The following ERG variants were observed in gnomAD, a reference collection of about 807,000 sequenced individuals.
The protein encoded by ERG is ETS transcription factor ERG, also known as transcriptional regulator ERG.
A neutral mutation model predicts 55.3 loss-of-function variants in ERG; 9 were observed. The ratio of observed to expected loss-of-function variants is 0.16; its 90% CI spans 0.10 to 0.28. The LOEUF is 0.28. Ranked by LOEUF, ERG falls within the 10% of genes least tolerant of loss-of-function variation. The pLI is 1.00. For missense variants in ERG, 434 were observed against 631.6 expected, an observed-to-expected ratio of 0.69 and a Z score of 3.35; for synonymous variants, 223 against 237.3, an observed-to-expected ratio of 0.94 and a Z score of 0.55.
intron 1 of ERG, among the ~76,000 whole-genome samples, chr21:38,591,509 T>G (rs1454338619): frequency 6.6e-6 from 1 of 152,114 alleles, no homozygotes; most frequent in Non-Finnish European, 1.5e-5. Context: ...CTGGCCAACA[T>G]GGTGAAACCT....
intron 2 of ERG, among the ~76,000 whole-genome samples, chr21:38,562,353 G>C (rs1156962542): frequency 6.6e-6 from 1 of 152,086 alleles, no homozygotes; most frequent in Non-Finnish European, 1.5e-5. Flanking sequence ...TACTGGCCTT[G>C]ACTCACTTAG....
chr21:38,571,221 T>A (rs897568492), intron 2 of ERG, among the ~76,000 whole-genome samples: 1 of 152,142 alleles, frequency 6.6e-6, no homozygotes, highest in Admixed American at 6.6e-5. Flanking sequence ...GTTAGTATAA[T>A]TTCTGTAATA....
intron 1 of ERG, among the ~76,000 whole-genome samples, chr21:38,595,047 G>A (rs1216948557): frequency 1.3e-5 from 2 of 152,178 alleles, no homozygotes; most frequent in African/African-American, 2.4e-5. Context: ...AGGAGAGCCC[G>A]AGGCAAGAGG....
rs374395625 is a variant in ERG at position 38,490,252 on chromosome 21, GA to G, written c.18+8110del. Among the ~76,000 whole-genome samples the G allele has an allele frequency of 1.9e-3, 281 of 145,398 alleles. 2 individuals carry two copies. Among genetic ancestry groups the G allele is most frequent in the African/African-American group, 5.8e-3 (232 of 39,686 alleles). Reference sequence around the variant, plus strand: ...CAATTCACAAACTGTTGTAGAAATTGAAAAAAAAAAGGTAGGGGGAAATGCT... The same window carrying G: ...CAATTCACAAACTGTTGTAGAAATTGAAAAAAAAAGGTAGGGGGAAATGCT... On this transcript the variant is annotated intron_variant, in intron 1 of 9. Transcript: ENST00000288319.
intron 3 of ERG, among the ~76,000 whole-genome samples, chr21:38,409,007 G>A (rs914311134): frequency 1.3e-5 from 2 of 152,194 alleles, no homozygotes; most frequent in Admixed American, 6.5e-5. Flanking sequence ...TTCAGGACCT[G>A]AGAAATGACT....
chr21:38,626,869 T>C (rs1458996573), intron 1 of ERG, among the ~76,000 whole-genome samples: 2 of 152,154 alleles, frequency 1.3e-5, no homozygotes, highest in African/African-American at 4.8e-5. Flanking sequence ...GAAGTTGACA[T>C]TGAAGAAATG....
At chr21:38,585,268 T>C (rs895480917), upstream of ERG, among the ~76,000 whole-genome samples, 3 of 152,166 alleles carry the variant, frequency 2.0e-5, no homozygotes, top group Non-Finnish European at 2.9e-5. Context: ...TTGGTAATAA[T>C]GGCTTCCCTA....
chr21:38,600,169 C>T (rs1480887113), intron 1 of ERG, among the ~76,000 whole-genome samples: 1 of 152,180 alleles, frequency 6.6e-6, no homozygotes, highest in Non-Finnish European at 1.5e-5. Flanking sequence ...CAAACCTACC[C>T]GCAATCCCCA....
the ERG span, chr21:38,367,794 C>T: frequency 5.0e-6 from 2 of 399,488 alleles, no homozygotes; most frequent in South Asian, 4.0e-5. Flanking sequence ...GGAAGCAAAC[C>T]TTCTGTGGAA....
intron 1 of ERG, among the ~76,000 whole-genome samples, chr21:38,482,659 A>G (rs1226973582): frequency 6.6e-6 from 1 of 151,958 alleles, no homozygotes; most frequent in Non-Finnish European, 1.5e-5. Flanking sequence ...TGTGGTGGAT[A>G]TATACAACGG....
chr21:38,566,906 C>A (rs1435939956), intron 2 of ERG, among the ~76,000 whole-genome samples: 1 of 152,202 alleles, frequency 6.6e-6, no homozygotes, highest in Non-Finnish European at 1.5e-5. Context: ...ACCAACTCCT[C>A]AGGGAAACTG....
intron 8 of ERG, among the ~76,000 whole-genome samples, chr21:38,391,312 T>A (rs938673309): frequency 1.3e-5 from 2 of 152,176 alleles, no homozygotes; most frequent in Admixed American, 6.5e-5. Context: ...CAACCAATGA[T>A]ATAAAGAGGG....
At chr21:38,490,214 T>A (rs1044728569) in intron 1 of ERG, among the ~76,000 whole-genome samples, 2 of 151,876 alleles carry the variant, frequency 1.3e-5, no homozygotes, top group African/African-American at 4.8e-5. Flanking sequence ...ATTGGCTAAT[T>A]GAAAACAAAA....
intron 1 of ERG, among the ~76,000 whole-genome samples, chr21:38,629,080 TAC>T (rs567451741): frequency 6.2e-4 from 94 of 152,300 alleles, no homozygotes; most frequent in Non-Finnish European, 9.3e-4. Context: ...CTGTACTATT[TAC>T]AGAGTCCTGC....
upstream of ERG, among the ~76,000 whole-genome samples, chr21:38,499,941 G>T (rs2059408909): frequency 1.3e-5 from 2 of 152,166 alleles, no homozygotes; most frequent in Non-Finnish European, 2.9e-5. Context: ...GTGGAAATCA[G>T]AACCTAAGTT....
chr21:38,596,269 T>C (rs1270401282), intron 1 of ERG, among the ~76,000 whole-genome samples: 1 of 152,224 alleles, frequency 6.6e-6, no homozygotes. Context: ...TGATTATTCC[T>C]GTTCTCATTT....
At chr21:38,489,123 G>A (rs1162964883) in intron 1 of ERG, among the ~76,000 whole-genome samples, 1 of 152,196 alleles carries the variant, frequency 6.6e-6, no homozygotes, top group Non-Finnish European at 1.5e-5. Context: ...GGAAGTATCT[G>A]TCTACAAACC....
intron 1 of ERG, among the ~76,000 whole-genome samples, chr21:38,578,356 A>G (rs752329498): frequency 3.1e-4 from 47 of 152,212 alleles, no homozygotes; most frequent in Non-Finnish European, 5.7e-4. Flanking sequence ...CACTATGGAT[A>G]AGTACAAAGA....
chr21:38,439,905 C>T (rs529363684), intron 2 of ERG, among the ~76,000 whole-genome samples: 11 of 152,222 alleles, frequency 7.2e-5, no homozygotes, highest in Middle Eastern at 3.4e-3. Context: ...CCTTTTTCTC[C>T]GTGGGTACTG....
Sources: allele counts gnomAD v4.1 joint callset (sites outside exome capture counted in the v4.1 genomes callset), GRCh38; gene constraint gnomAD v4.1.1; transcripts MANE v1.5; gene names NCBI Gene and HGNC (gene_info 2026-07-23, HGNC 2026-07-21).